HIVEP3: variants seen among roughly 807,000 people sequenced by gnomAD.
HIVEP3 encodes the protein transcription factor HIVEP3.
Under a neutral mutation model 152.8 loss-of-function variants are expected in HIVEP3, and 49 were observed. That is an observed-to-expected ratio of 0.32 (90% CI 0.26 to 0.41). The LOEUF is 0.41. Ranked by LOEUF, HIVEP3 falls within the 10% of genes least tolerant of loss-of-function variation. HIVEP3 has a pLI of 1.00. For missense variants in HIVEP3, 2,790 were observed against 3,103.3 expected, an observed-to-expected ratio of 0.90 and a Z score of 2.40; for synonymous variants, 1,269 against 1,289.0, an observed-to-expected ratio of 0.98 and a Z score of 0.33.
At chr1:41,962,146 C>T (rs974430909) in intron 1 of HIVEP3, among the ~76,000 whole-genome samples, 2 of 152,114 alleles carry the variant, frequency 1.3e-5, no homozygotes. Flanking sequence ...TTCACTTAAG[C>T]CAGAAATATA....
chr1:41,920,061 G>C (rs61775762), upstream of HIVEP3, among the ~76,000 whole-genome samples: 6 of 152,178 alleles, frequency 3.9e-5, no homozygotes, highest in African/African-American at 1.4e-4. Context: ...CAAGTGCACT[G>C]TCACCCTCCC....
intron 1 of HIVEP3, among the ~76,000 whole-genome samples, chr1:42,025,194 A>G (rs1024677371): frequency 2.0e-5 from 3 of 152,134 alleles, no homozygotes; most frequent in Non-Finnish European, 4.4e-5. Context: ...CCTCTCTGTC[A>G]CATTTTTTGT....
At chr1:41,663,313 G>T (rs1253448607) in intron 2 of HIVEP3, among the ~76,000 whole-genome samples, 2 of 152,252 alleles carry the variant, frequency 1.3e-5, no homozygotes, top group South Asian at 2.1e-4. Context: ...GGAGCTGGGG[G>T]TCGGGGGTGT....
At chr1:41,627,619 C>A (rs1558127434) in intron 3 of HIVEP3, among the ~76,000 whole-genome samples, 1 of 152,276 alleles carries the variant, frequency 6.6e-6, no homozygotes, top group East Asian at 1.9e-4. Context: ...CTGCCTGTGG[C>A]CCCATCCCCT....
At chr1:41,717,792 C>T (rs1443332185) in intron 1 of HIVEP3, among the ~76,000 whole-genome samples, 3 of 152,310 alleles carry the variant, frequency 2.0e-5, no homozygotes, top group African/African-American at 7.2e-5. Context: ...GGACTGGGCA[C>T]ATTTCAGGCA....
intron 3 of HIVEP3, among the ~76,000 whole-genome samples, chr1:41,587,026 T>C (rs1644515879): frequency 2.0e-5 from 3 of 152,098 alleles, no homozygotes; most frequent in Admixed American, 2.0e-4. Context: ...GCTATATATT[T>C]ATATATGAGC....
intron 1 of HIVEP3, chr1:41,865,626 G>A (rs1643955741): frequency 6.6e-6 from 1 of 152,202 alleles, no homozygotes; most frequent in African/African-American, 2.4e-5. Flanking sequence ...CTGCAGAGAT[G>A]AGAATTATTT....
intron 1 of HIVEP3, among the ~76,000 whole-genome samples, chr1:41,908,724 T>C (rs1353200485): frequency 2.0e-5 from 3 of 152,214 alleles, no homozygotes; most frequent in Admixed American, 6.5e-5. Flanking sequence ...AAATGACTGA[T>C]GAGCTGGCAA....
At chr1:41,585,612 T>G (rs924166897) in intron 3 of HIVEP3, among the ~76,000 whole-genome samples, 3 of 152,216 alleles carry the variant, frequency 2.0e-5, no homozygotes, top group Admixed American at 6.5e-5. Context: ...AAGTGGGCTC[T>G]GGGAACTGCA....
At chr1:41,780,909 T>C (rs1191864648) in intron 1 of HIVEP3, among the ~76,000 whole-genome samples, 2 of 152,118 alleles carry the variant, frequency 1.3e-5, no homozygotes, top group Non-Finnish European at 2.9e-5. Context: ...AAGAAAAGAA[T>C]GCTACTGACT....
chr1:41,582,616 G>T lies in HIVEP3; in HGVS notation c.2182C>A (p.Pro728Thr), dbSNP rs762101750. 1 of 1,613,536 alleles carries T rather than the reference G, an allele frequency of 6.2e-7. No individual in the cohort carries two copies. Among genetic ancestry groups the T allele is most frequent in the Non-Finnish European group, 8.5e-7 (1 of 1,179,730 alleles). ...TGACTTTTTGTGGACTCAAAGGCAGGTGGCTCTTCCTCGTCCCCAAGGCTC... is the reference window on the plus strand; with the variant it reads ...TGACTTTTTGTGGACTCAAAGGCAGTTGGCTCTTCCTCGTCCCCAAGGCTC... Reference protein sequence around the residue: ...EKSLGDEEEPPAFESTKSQFG... With the variant: ...EKSLGDEEEPTAFESTKSQFG... The change falls in exon 4 of 9, where the codon CCT (proline) becomes ACT (threonine). Residue 728 changes from proline to threonine, a missense_variant. Around this residue, in one of 9 missense-constraint regions of HIVEP3, gnomAD observed 339 missense variants for 327.0 expected, o/e 1.04. Coordinates refer to ENST00000372583, the MANE Select transcript of HIVEP3 (RefSeq NM_024503.5). This position sits in a 1 kb window ranked among gnomAD's most constrained non-coding sequence, Gnocchi z 4.7.
At chr1:41,910,721 T>A (rs562815254) in intron 1 of HIVEP3, among the ~76,000 whole-genome samples, 1 of 152,040 alleles carries the variant, frequency 6.6e-6, no homozygotes, top group Admixed American at 6.5e-5. Flanking sequence ...TACCAGATAT[T>A]AACAAATTAA....
intron 1 of HIVEP3, among the ~76,000 whole-genome samples, chr1:41,727,846 C>T (rs1359761848): frequency 6.6e-6 from 1 of 152,182 alleles, no homozygotes; most frequent in African/African-American, 2.4e-5. Context: ...CTCTCTAGTA[C>T]CCAGTTTCCT....
chr1:41,616,401 G>C (rs1288433079), intron 3 of HIVEP3, among the ~76,000 whole-genome samples: 2 of 152,152 alleles, frequency 1.3e-5, no homozygotes, highest in Non-Finnish European at 2.9e-5. Flanking sequence ...TTCAGTTAAA[G>C]GCAGGGTAGG....
intron 1 of HIVEP3, among the ~76,000 whole-genome samples, chr1:41,925,723 C>G (rs1293247658): frequency 6.6e-6 from 1 of 152,180 alleles, no homozygotes; most frequent in Non-Finnish European, 1.5e-5. Context: ...TAGAATATTG[C>G]CCAAAACTTT....
intron 1 of HIVEP3, among the ~76,000 whole-genome samples, chr1:41,791,589 C>T (rs544511416): frequency 7.6e-6 from 1 of 130,842 alleles, no homozygotes; most frequent in Non-Finnish European, 1.6e-5. Flanking sequence ...GATGGAGAGG[C>T]CAAAGAGAGA....
intron 1 of HIVEP3, among the ~76,000 whole-genome samples, chr1:41,928,676 T>C (rs564422857): frequency 6.6e-6 from 1 of 152,344 alleles, no homozygotes; most frequent in Admixed American, 6.5e-5. Flanking sequence ...CTTGTCTTTC[T>C]TGCCCTTGAC....
intron 1 of HIVEP3, among the ~76,000 whole-genome samples, chr1:41,930,136 A>G (rs1570819827): frequency 6.6e-6 from 1 of 152,164 alleles, no homozygotes; most frequent in African/African-American, 2.4e-5. Flanking sequence ...TAGGTTCCTC[A>G]GTATCCTGAT....
chr1:41,923,591 C>T (rs924114600), upstream of HIVEP3, among the ~76,000 whole-genome samples: 3 of 152,048 alleles, frequency 2.0e-5, no homozygotes, highest in African/African-American at 4.8e-5. Context: ...ATGGTGACTA[C>T]AGTTAATAAT....
Sources: allele counts gnomAD v4.1 joint callset (sites outside exome capture counted in the v4.1 genomes callset), GRCh38; gene constraint gnomAD v4.1.1; regional missense constraint gnomAD v4.1.1; non-coding constraint Gnocchi (gnomAD v3.1); transcripts MANE v1.5; gene names NCBI Gene and HGNC (gene_info 2026-07-23, HGNC 2026-07-21).